ALDH1L2: variants seen among roughly 807,000 people sequenced by gnomAD.
ALDH1L2 encodes aldehyde dehydrogenase 1 family member L2.
A neutral mutation model predicts 111.0 loss-of-function variants in ALDH1L2; 91 were observed. The observed-to-expected ratio is 0.82, with a 90% CI of 0.69 to 0.98. ALDH1L2 has a LOEUF of 0.98. Ranked by LOEUF, ALDH1L2 falls within the 50% of genes least tolerant of loss-of-function variation. The pLI, the probability that ALDH1L2 is intolerant of heterozygous loss-of-function variation, is 0.00. For synonymous variants in ALDH1L2, 374 were observed against 392.6 expected (o/e 0.95, Z 0.56); for missense variants, 995 against 1,126.8 (o/e 0.88, Z 1.67).
intron 13 of ALDH1L2, 197 bp downstream of exon 13, chr12:105,049,709 CTG>C: frequency 5.3e-6 from 3 of 568,038 alleles, no homozygotes; most frequent in Non-Finnish European, 8.2e-6. Context: ...GCCTCCAGAA[CTG>C]TAAGAGAATA....
intron 13 of ALDH1L2, among the ~76,000 whole-genome samples, chr12:105,049,375 A>G (rs1365236159): frequency 6.6e-6 from 1 of 152,224 alleles, no homozygotes; most frequent in East Asian, 1.9e-4. Flanking sequence ...TAAGGGGATA[A>G]GAGCTATCCA....
Position 105,070,723 on chromosome 12 carries a change from G to A in ALDH1L2, c.275C>T (p.Ala92Val), listed in dbSNP as rs377629098. 1 of 1,614,156 alleles carries A rather than the reference G, an allele frequency of 6.2e-7. No individual in the cohort carries two copies. Among genetic ancestry groups the A allele is most frequent in the African/African-American group, 1.3e-5 (1 of 75,032 alleles). Residue 92 changes from alanine (A) to valine (V), a missense_variant, in exon 3 of 23, where the codon GCA (alanine) becomes GTA (valine). Transcript: ENST00000258494. ...TGCACCCACGGATCTGTAGGCTTCT[G>A]CCACTTCTTTGATGGTCTTGCCCTT... is the stretch of plus-strand genomic sequence containing the variant. ...RVKGKTIKEV[A>V]EAYRSVGAEL... is the part of the protein sequence containing the mutation.
intron 15 of ALDH1L2, among the ~76,000 whole-genome samples, chr12:105,045,684 A>G (rs1023996898): frequency 1.3e-5 from 2 of 152,098 alleles, no homozygotes; most frequent in East Asian, 3.8e-4. Flanking sequence ...TTGAACGTAT[A>G]CCTACTTTTT....
chr12:105,068,013 AAAG>A (rs771025760), intron 4 of ALDH1L2, among the ~76,000 whole-genome samples: 9 of 152,244 alleles, frequency 5.9e-5, no homozygotes, highest in Non-Finnish European at 1.2e-4. Context: ...GTCATGCAAC[AAAG>A]AAGAGGTAGA....
intron 21 of ALDH1L2, among the ~76,000 whole-genome samples, chr12:105,029,786 T>C (rs1342181788): frequency 1.3e-5 from 2 of 152,248 alleles, no homozygotes; most frequent in Non-Finnish European, 1.5e-5. Context: ...AGTATTGTTT[T>C]ATGAGCTCAG....
At chr12:105,034,429 C>T in intron 18 of ALDH1L2, 31 bp from the exon 19 acceptor site, 3 of 1,585,558 alleles carry the variant, frequency 1.9e-6, no homozygotes, top group Non-Finnish European at 1.7e-6. Context: ...ATATTGCTAA[C>T]ATCATTTGAG....
intron 21 of ALDH1L2, among the ~76,000 whole-genome samples, chr12:105,029,187 C>G (rs1874575432): frequency 6.6e-6 from 1 of 151,206 alleles, no homozygotes; most frequent in African/African-American, 2.4e-5. Context: ...GCCACCATGC[C>G]CAGCTAATTT....
intron 13 of ALDH1L2, 133 bp downstream of exon 13, chr12:105,049,775 A>G: frequency 9.7e-7 from 1 of 1,028,656 alleles, no homozygotes; most frequent in Non-Finnish European, 1.4e-6. Flanking sequence ...ACAGCAGCAT[A>G]AAATGGATTG....
intron 2 of ALDH1L2, among the ~76,000 whole-genome samples, chr12:105,071,706 G>C (rs1187086271): frequency 1.7e-5 from 2 of 117,548 alleles, no homozygotes; most frequent in Admixed American, 1.1e-4. Context: ...GCCCAGGCCG[G>C]ACTGCAGTGG....
intron 2 of ALDH1L2, 137 bp downstream of exon 2, chr12:105,073,724 C>G: frequency 8.1e-7 from 1 of 1,241,906 alleles, no homozygotes. Flanking sequence ...CCCTGATTCC[C>G]ACTCTTTTCC....
chr12:105,075,427 A>C (rs1479788446), intron 1 of ALDH1L2, among the ~76,000 whole-genome samples: 1 of 152,178 alleles, frequency 6.6e-6, no homozygotes, highest in Non-Finnish European at 1.5e-5. Flanking sequence ...TCTACTAAAA[A>C]TACAAAAATT....
chr12:105,072,221 A>G (rs998340926), intron 2 of ALDH1L2: 3 of 148,070 alleles, frequency 2.0e-5, no homozygotes, highest in African/African-American at 4.9e-5. Context: ...ATATATTATT[A>G]TATATTACTT....
intron 1 of ALDH1L2, 67 bp downstream of exon 1, chr12:105,084,322 C>CA: frequency 1.9e-5 from 28 of 1,479,670 alleles, no homozygotes; most frequent in Non-Finnish European, 2.5e-5. Context: ...CGCCCCGGCC[C>CA]TCCCGCCCCG....
chr12:105,056,502 A>G (rs1876638019), intron 10 of ALDH1L2, among the ~76,000 whole-genome samples: 1 of 152,132 alleles, frequency 6.6e-6, no homozygotes, highest in South Asian at 2.1e-4. Context: ...ACACAGGTAA[A>G]TATAAACATT....
At chr12:105,071,642 A>ATATATATATATATATGTATTTTTT (rs1555227710) in intron 2 of ALDH1L2, among the ~76,000 whole-genome samples, 1 of 10,886 alleles carries the variant, frequency 9.2e-5, no homozygotes, top group Non-Finnish European at 1.4e-4. Flanking sequence ...ATATATATAT[A>ATATATATATATATATGTATTTTTT]TTTTTTTTTT....
chr12:105,045,077 A>AGTTTGTTT (rs373433146), intron 15 of ALDH1L2, among the ~76,000 whole-genome samples: 1 of 150,552 alleles, frequency 6.6e-6, no homozygotes, highest in Non-Finnish European at 1.5e-5. Context: ...ACATGATTGA[A>AGTTTGTTT]GTTTGTTTGT....
At chr12:105,032,072 T>TA in intron 19 of ALDH1L2, 138 bp from the exon 20 acceptor site, 1 of 835,004 alleles carries the variant, frequency 1.2e-6, no homozygotes, top group East Asian at 3.0e-5. Flanking sequence ...GGTAGGTGGT[T>TA]GGTTTTTTTT....
intron 17 of ALDH1L2, 35 bp from the exon 18 acceptor site, chr12:105,038,237 TAAC>T (rs773294090): frequency 3.6e-6 from 5 of 1,374,194 alleles, no homozygotes; most frequent in Non-Finnish European, 5.1e-6. Flanking sequence ...AGCATTTAGT[TAAC>T]ATCTCTCTCT....
chr12:105,073,075 T>A (rs1877832371), intron 2 of ALDH1L2, among the ~76,000 whole-genome samples: 1 of 152,234 alleles, frequency 6.6e-6, no homozygotes, highest in Non-Finnish European at 1.5e-5. Context: ...ACTGTCCTCA[T>A]TGAATATTCT....
Sources: gnomAD v4.1 joint callset for allele counts (sites outside exome capture counted in the v4.1 genomes callset) on GRCh38, gnomAD v4.1.1 for gene constraint, MANE v1.5 for transcripts, NCBI Gene and HGNC (gene_info 2026-07-23, HGNC 2026-07-21) for gene names.